Variants in C16orf82 observed in about 807,000 individuals in gnomAD.
C16orf82 encodes chromosome 16 open reading frame 82, also known as protein TNT.
For missense variants in C16orf82, 176 were observed against 206.1 expected (o/e 0.85, Z 0.89); for synonymous variants, 82 against 85.5 (o/e 0.96, Z 0.22).
rs572484288 is a variant in C16orf82, at chr16:27,068,927, C to T, written c.*1467C>T. The T allele has an allele frequency of 1.8e-4, 30 of 166,852 alleles. No homozygotes were observed. Among genetic ancestry groups the T allele is most frequent in the African/African-American group, 7.0e-4 (29 of 41,428 alleles). The allele number at this position is 166,852 out of a possible 1,614,324, so 10.3% of individuals were successfully genotyped here. Reference sequence around the variant, plus strand: ...CAGAGCCCAACCCAGCCGGGAACAGCTGCGATGGGGAAGCTCTGGAGCATT... The same window carrying T: ...CAGAGCCCAACCCAGCCGGGAACAGTTGCGATGGGGAAGCTCTGGAGCATT... On this transcript the variant is annotated 3_prime_UTR_variant, in exon 1 of 1. Coordinates refer to ENST00000505035, the MANE Select transcript of C16orf82 (RefSeq NM_001145545.2).
chr16:27,068,716 C>CTTT lies in C16orf82; in HGVS notation c.*1270_*1272dup. On this transcript the variant is annotated 3_prime_UTR_variant, in exon 1 of 1. Coordinates refer to ENST00000505035, the MANE Select transcript of C16orf82 (RefSeq NM_001145545.2). ...ACCATCCCAGAGAGCTCCAAGCGTC[C>CTTT]TTTTTTTTTTTTTTTTCCTTTGAGT... 6.7e-6 allele frequency: 1 copy of CTTT among 150,292 alleles called. No homozygotes were observed. 9.3% of individuals were successfully genotyped at this position (150,292 alleles called of 1,614,324 possible).
Position 27,067,775 on chromosome 16 carries a change from T to G in C16orf82, c.*315T>G, listed in dbSNP as rs1210927666. Reference sequence around the variant, plus strand: ...TGAGAATCCTCTCCAGCAGCCAGAGTCTCCCAGAAAACAACACACAGGCCC... The same window carrying G: ...TGAGAATCCTCTCCAGCAGCCAGAGGCTCCCAGAAAACAACACACAGGCCC... On this transcript the variant is annotated 3_prime_UTR_variant, in exon 1 of 1. Transcript: ENST00000505035. 2 of 280,794 alleles carry G rather than the reference T, an allele frequency of 7.1e-6. No homozygotes were observed. The highest frequency in any genetic ancestry group is 4.9e-5 in the Admixed American group (1 of 20,316). The allele number at this position is 280,794 out of a possible 1,614,324, so 17.4% of individuals were successfully genotyped here.
Position 27,067,711 on chromosome 16 carries a change from A to G in C16orf82, c.*251A>G. On this transcript the variant is annotated 3_prime_UTR_variant, in exon 1 of 1. Transcript: ENST00000505035. ...CAACGTGAAAACCAGTGAGCAGGTC[A>G]CCACGGGGGAGCAGCCTGCCCAGGT... 1 of 357,112 alleles carries G rather than the reference A, an allele frequency of 2.8e-6. No homozygotes were observed. The allele number at this position is 357,112 out of a possible 1,614,324, so 22.1% of individuals were successfully genotyped here.
In C16orf82 at chr16:27,068,446, ACT is replaced by A. The variant is rs1900432674; in HGVS notation, c.*989_*990del. 1 of 167,268 alleles carries A rather than the reference ACT, an allele frequency of 6.0e-6. No homozygotes were observed. Among genetic ancestry groups the A allele is most frequent in the Non-Finnish European group, 1.5e-5 (1 of 68,296 alleles). 10.4% of individuals were successfully genotyped at this position (167,268 alleles called of 1,614,324 possible). A position where few individuals can be genotyped will look rare whatever the true frequency, so the allele number is the denominator to read the frequency against. ...CTTCATCCTGGCCAAGCAGCACCAC[ACT>A]CTGTCCATCATTGTCACTGCCCGCA... On this transcript the variant is annotated 3_prime_UTR_variant, in exon 1 of 1. Coordinates refer to ENST00000505035, the MANE Select transcript of C16orf82 (RefSeq NM_001145545.2).
chr16:27,068,975 T>C lies in C16orf82; in HGVS notation c.*1515T>C, dbSNP rs950889351. On this transcript the variant is annotated 3_prime_UTR_variant, in exon 1 of 1. Transcript: ENST00000505035. The stretch of plus-strand genomic sequence containing the variant: ...ATTTTGTGAGCACCGTCTCGGTGGA[T>C]GGGAAAGCCGAAGTCTCTGCCCGTC... 2 of 166,134 alleles carry C rather than the reference T, an allele frequency of 1.2e-5. No homozygotes were observed. The highest frequency in any genetic ancestry group is 4.9e-5 in the African/African-American group (2 of 41,090). The allele number at this position is 166,134 out of a possible 1,614,324, so 10.3% of individuals were successfully genotyped here.
Position 27,069,110 on chromosome 16 carries a change from T to C in C16orf82, c.*1650T>C, listed in dbSNP as rs1900444719. The C allele has an allele frequency of 6.0e-6, 1 of 166,730 alleles. No individual in the cohort carries two copies. Among genetic ancestry groups the C allele is most frequent in the African/African-American group, 2.4e-5 (1 of 41,374 alleles). The allele number at this position is 166,730 out of a possible 1,614,324, so 10.3% of individuals were successfully genotyped here. On this transcript the variant is annotated 3_prime_UTR_variant, in exon 1 of 1. Coordinates refer to ENST00000505035, the MANE Select transcript of C16orf82 (RefSeq NM_001145545.2). Reference sequence around the variant, plus strand: ...GACTGTCGTGAAGACATCCACTAGGTACCAGAAGGAAAGCTGAGGGGGCAG... The same window carrying C: ...GACTGTCGTGAAGACATCCACTAGGCACCAGAAGGAAAGCTGAGGGGGCAG...
At position 27,068,125 on chromosome 16, in the gene C16orf82, T is replaced by C. The variant is rs1900425578; in HGVS notation, c.*665T>C. On this transcript the variant is annotated 3_prime_UTR_variant, in exon 1 of 1. Transcript: ENST00000505035. ...GTGAACTTCAGTGACAAGCCATCTATAACAAGATCCATCAATGGCAAAACC... is the reference window on the plus strand; with the variant it reads ...GTGAACTTCAGTGACAAGCCATCTACAACAAGATCCATCAATGGCAAAACC... 1 of 165,448 alleles carries C rather than the reference T, an allele frequency of 6.0e-6. No individual in the cohort carries two copies. Among genetic ancestry groups the C allele is most frequent in the Admixed American group, 6.6e-5 (1 of 15,220 alleles). The allele number at this position is 165,448 out of a possible 1,614,324, so 10.2% of individuals were successfully genotyped here. A position where few individuals can be genotyped will look rare whatever the true frequency, so the allele number is the denominator to read the frequency against.
Position 27,067,189 on chromosome 16 carries a change from A to G in C16orf82, c.194A>G (p.Gln65Arg). The G allele has an allele frequency of 7.3e-7, 1 of 1,366,764 alleles. No individual in the cohort carries two copies. The highest frequency in any genetic ancestry group is 1.1e-5 in the South Asian group (1 of 87,786). The allele number at this position is 1,366,764 out of a possible 1,614,324, so 84.7% of individuals were successfully genotyped here. Residue 65 changes from glutamine to arginine, a missense_variant, in exon 1 of 1, where the codon CAG becomes CGG. Gln to Arg is a conservative substitution (Grantham distance 43). Coordinates refer to ENST00000505035, the MANE Select transcript of C16orf82 (RefSeq NM_001145545.2). ...TCCAGCAGCTACCTCAGTGACACCC[A>G]GAGCAGCGAGAGTCATGTTTCCAGC... is the stretch of plus-strand genomic sequence containing the variant.
chr16:27,067,016 G>T lies in C16orf82; in HGVS notation c.21G>T (p.Leu7=). ...TCTCCCTGGATAAACCACTTCAGCT[G>T]CCCCCCATTTTTCTCGAGGGAGAAA... The change falls in exon 1 of 1, where the codon CTG becomes CTT. Residue 7 remains leucine (L), a synonymous_variant. Coordinates refer to ENST00000505035, the MANE Select transcript of C16orf82 (RefSeq NM_001145545.2). The T allele has an allele frequency of 7.3e-7, 1 of 1,367,678 alleles. No individual in the cohort carries two copies. 84.7% of individuals were successfully genotyped at this position (1,367,678 alleles called of 1,614,324 possible). A position where few individuals can be genotyped will look rare whatever the true frequency, so the allele number is the denominator to read the frequency against.
In C16orf82 at chr16:27,067,250, C is replaced by A. The variant is rs762356969; in HGVS notation, c.255C>A (p.Ala85=). ...CGAGGCCAGAGGAGGGCAGCCATGC[C>A]AGCCTGAGCAGCGGGTACGCAGGGG... The change falls in exon 1 of 1, where the codon GCC becomes GCA. Residue 85 remains alanine, a synonymous_variant. Transcript: ENST00000505035. The A allele has an allele frequency of 2.2e-6, 3 of 1,365,864 alleles. No individual in the cohort carries two copies. In the East Asian group the frequency reaches 1.4e-4, roughly 62 times the overall value. The allele number at this position is 1,365,864 out of a possible 1,614,324, so 84.6% of individuals were successfully genotyped here. A position where few individuals can be genotyped will look rare whatever the true frequency, so the allele number is the denominator to read the frequency against.
rs1176449907 is a variant in C16orf82, at chr16:27,067,750, T to C, written c.*290T>C. The C allele has an allele frequency of 2.9e-5, 9 of 306,320 alleles. No homozygotes were observed. Among genetic ancestry groups the C allele is most frequent in the East Asian group, 1.8e-4 (2 of 10,980 alleles). 19.0% of individuals were successfully genotyped at this position (306,320 alleles called of 1,614,324 possible). ...GCCTGCCCAGGTGTGCATGCCTTTGTGAGAATCCTCTCCAGCAGCCAGAGT... is the reference window on the plus strand; with the variant it reads ...GCCTGCCCAGGTGTGCATGCCTTTGCGAGAATCCTCTCCAGCAGCCAGAGT... On this transcript the variant is annotated 3_prime_UTR_variant, in exon 1 of 1. Transcript: ENST00000505035.
rs905007267 is a variant in C16orf82 at position 27,068,657 on chromosome 16, C to G, written c.*1197C>G. On this transcript the variant is annotated 3_prime_UTR_variant, in exon 1 of 1. Coordinates refer to ENST00000505035, the MANE Select transcript of C16orf82 (RefSeq NM_001145545.2). Reference sequence around the variant, plus strand: ...AGGGCGGTGTAAATGGATCCCCATGCCTGGGCACCTGTAATCCCAACTACT... The same window carrying G: ...AGGGCGGTGTAAATGGATCCCCATGGCTGGGCACCTGTAATCCCAACTACT... 1 of 166,792 alleles carries G rather than the reference C, an allele frequency of 6.0e-6. No individual in the cohort carries two copies. Among genetic ancestry groups the G allele is most frequent in the Admixed American group, 6.5e-5 (1 of 15,284 alleles). The allele number at this position is 166,792 out of a possible 1,614,324, so 10.3% of individuals were successfully genotyped here. A position where few individuals can be genotyped will look rare whatever the true frequency, so the allele number is the denominator to read the frequency against.
Position 27,068,006 on chromosome 16 carries a change from T to C in C16orf82, c.*546T>C, listed in dbSNP as rs1431782994. On this transcript the variant is annotated 3_prime_UTR_variant, in exon 1 of 1. Transcript: ENST00000505035. Reference sequence around the variant, plus strand: ...CAGTCAGTGAGGAGACTGTCTATACTGAGAACCACTGTTGCTAGGAAGAGC... The same window carrying C: ...CAGTCAGTGAGGAGACTGTCTATACCGAGAACCACTGTTGCTAGGAAGAGC... 1.1e-5 allele frequency: 2 copies of C among 174,340 alleles called. No homozygotes were observed. The highest frequency in any genetic ancestry group is 4.8e-5 in the African/African-American group (2 of 41,544). The allele number at this position is 174,340 out of a possible 1,614,324, so 10.8% of individuals were successfully genotyped here.
rs776547149 is a variant in C16orf82 at position 27,067,077 on chromosome 16, G to A, written c.82G>A (p.Glu28Lys). 4 of 1,367,684 alleles carry A rather than the reference G, an allele frequency of 2.9e-6. No individual in the cohort carries two copies. Among genetic ancestry groups the A allele is most frequent in the Non-Finnish European group, 3.9e-6 (4 of 1,021,830 alleles). The allele number at this position is 1,367,684 out of a possible 1,614,324, so 84.7% of individuals were successfully genotyped here. A position where few individuals can be genotyped will look rare whatever the true frequency, so the allele number is the denominator to read the frequency against. ...CTCTGTCCAGAATGAGCAGGAAGGAGAGCCAAGCCTACAGTCACCCAGCTT... is the reference window on the plus strand; with the variant it reads ...CTCTGTCCAGAATGAGCAGGAAGGAAAGCCAAGCCTACAGTCACCCAGCTT... The change falls in exon 1 of 1, where the codon GAG becomes AAG. Residue 28 changes from glutamate (E) to lysine (K), a missense_variant. Coordinates refer to ENST00000505035, the MANE Select transcript of C16orf82 (RefSeq NM_001145545.2).
In C16orf82 at chr16:27,067,336, G is replaced by A; in HGVS notation, c.341G>A (p.Arg114Lys). Reference sequence around the variant, plus strand: ...CACCGGAGAGTGCGGCTGAACAGAAGGCTCAACACCCAGGCGGCCAGTAAC... The same window carrying A: ...CACCGGAGAGTGCGGCTGAACAGAAAGCTCAACACCCAGGCGGCCAGTAAC... Residue 114 changes from arginine (R) to lysine (K), a missense_variant, in exon 1 of 1, where the codon AGG becomes AAG. Arg to Lys is a conservative substitution (Grantham distance 26). Transcript: ENST00000505035. 1 of 1,350,744 alleles carries A rather than the reference G, an allele frequency of 7.4e-7. No individual in the cohort carries two copies. Among genetic ancestry groups the A allele is most frequent in the Non-Finnish European group, 9.9e-7 (1 of 1,014,310 alleles). 83.7% of individuals were successfully genotyped at this position (1,350,744 alleles called of 1,614,324 possible). A position where few individuals can be genotyped will look rare whatever the true frequency, so the allele number is the denominator to read the frequency against.
rs757201418 is a variant in C16orf82, at chr16:27,067,429, A to T, written c.434A>T (p.His145Leu). ...AAGAGCCGGCTGACTGGCCCCGCCC[A>T]CAGCACCAAGCAGACTGGAGGGAAA... The change falls in exon 1 of 1, where the codon CAC becomes CTC. Residue 145 changes from histidine to leucine, a missense_variant. Coordinates refer to ENST00000505035, the MANE Select transcript of C16orf82 (RefSeq NM_001145545.2). 2 of 1,331,658 alleles carry T rather than the reference A, an allele frequency of 1.5e-6. No individual in the cohort carries two copies. The highest frequency in any genetic ancestry group is 2.0e-6 in the Non-Finnish European group (2 of 1,005,452). The allele number at this position is 1,331,658 out of a possible 1,614,324, so 82.5% of individuals were successfully genotyped here.
chr16:27,067,218 C>T lies in C16orf82; in HGVS notation c.223C>T (p.Gln75Ter), dbSNP rs779425006. ...CAGCGAGAGTCATGTTTCCAGCGTG[C>T]AGCACCCGAGGCCAGAGGAGGGCAG... The change falls in exon 1 of 1, where the codon CAG (glutamine) becomes TAG (stop). Residue 75 changes from glutamine to a stop codon, truncating the protein, a stop_gained. Transcript: ENST00000505035. LOFTEE classifies it low-confidence loss of function (END_TRUNC). The T allele has an allele frequency of 2.9e-6, 4 of 1,366,410 alleles. No homozygotes were observed. Among genetic ancestry groups the T allele is most frequent in the African/African-American group, 1.5e-5 (1 of 67,830 alleles). 84.6% of individuals were successfully genotyped at this position (1,366,410 alleles called of 1,614,324 possible).
In C16orf82 at chr16:27,066,932, C is replaced by T. The variant is rs542700971; in HGVS notation, c.-64C>T. On this transcript the variant is annotated 5_prime_UTR_variant, in exon 1 of 1. The change creates a new upstream start codon in the 5' untranslated region. Transcript: ENST00000505035. ...AGTTTTCAAAGGGCAGCCTTATATA[C>T]GGAGTCACCTCTCCCCAGAGAGGTC... 2.6e-5 allele frequency: 31 copies of T among 1,194,340 alleles called. No homozygotes were observed. The highest frequency in any genetic ancestry group is 7.6e-5 in the Admixed American group (4 of 52,374). The allele number at this position is 1,194,340 out of a possible 1,614,324, so 74.0% of individuals were successfully genotyped here.
rs1169092145 is a variant in C16orf82, at chr16:27,067,203, C to G, written c.208C>G (p.His70Asp). 7.3e-7 allele frequency: 1 copy of G among 1,366,728 alleles called. No individual in the cohort carries two copies. Among genetic ancestry groups the G allele is most frequent in the Non-Finnish European group, 9.8e-7 (1 of 1,021,526 alleles). 84.7% of individuals were successfully genotyped at this position (1,366,728 alleles called of 1,614,324 possible). Residue 70 changes from histidine to aspartate, a missense_variant, in exon 1 of 1, where the codon CAT becomes GAT. Coordinates refer to ENST00000505035, the MANE Select transcript of C16orf82 (RefSeq NM_001145545.2). ...CAGTGACACCCAGAGCAGCGAGAGT[C>G]ATGTTTCCAGCGTGCAGCACCCGAG... is the stretch of plus-strand genomic sequence containing the variant.
Sources: allele counts gnomAD v4.1 joint callset, GRCh38; gene constraint gnomAD v4.1.1; transcripts MANE v1.5; gene names NCBI Gene and HGNC (gene_info 2026-07-23, HGNC 2026-07-21).